Variants in NGEF observed in about 807,000 individuals in gnomAD.
The protein encoded by NGEF is ephexin-1.
In NGEF, 31 loss-of-function variants were observed where a neutral mutation model predicts 80.9. The observed-to-expected ratio is 0.38, with a 90% CI of 0.29 to 0.52. The LOEUF is 0.52. NGEF is among the 20% of genes least tolerant of loss of function. The pLI, the probability that NGEF is intolerant of heterozygous loss-of-function variation, is 0.84. For missense variants in NGEF, 709 were observed against 926.2 expected, an observed-to-expected ratio of 0.77 and a Z score of 3.04; for synonymous variants, 371 against 370.2, an observed-to-expected ratio of 1.00 and a Z score of -0.03.
In NGEF at chr2:232,892,401, G is replaced by A. The variant is rs1691912840; in HGVS notation, c.1142+497C>T. 6.6e-6 allele frequency among the ~76,000 whole-genome samples: 1 copy of A among 152,158 alleles called. No individual in the cohort carries two copies. The highest frequency in any genetic ancestry group is 1.9e-4 in the East Asian group (1 of 5,184). ...AGAATTCAGAAGAGGCACGCTGGCT[G>A]GAAAATTACCTTGTCAACTAAACCT... On this transcript the variant is annotated intron_variant, in intron 7 of 14. Transcript: ENST00000264051. The surrounding 1 kb of genome is among the most constrained non-coding windows in gnomAD (Gnocchi z 4.0).
Position 232,879,467 on chromosome 2 carries a change from C to A in NGEF, c.*22G>T. The stretch of plus-strand genomic sequence containing the variant: ...TCGGGGTCTCATGCAGGCCCTGCTC[C>A]CGCTGGCCCCCTGGGTGGGGGTCAT... On this transcript the variant is annotated 3_prime_UTR_variant, in exon 15 of 15. Transcript: ENST00000264051. 1 of 1,589,464 alleles carries A rather than the reference C, an allele frequency of 6.3e-7. No homozygotes were observed. Among genetic ancestry groups the A allele is most frequent in the Non-Finnish European group, 8.6e-7 (1 of 1,163,096 alleles).
chr2:232,911,265 T>C (rs1021138180), intron 5 of NGEF, among the ~76,000 whole-genome samples: 1 of 152,228 alleles, frequency 6.6e-6, no homozygotes, highest in Non-Finnish European at 1.5e-5. Context: ...GAAAAGACTG[T>C]CCTTTTTCCA....
At chr2:232,880,217 G>C (rs1691448082) in intron 14 of NGEF, among the ~76,000 whole-genome samples, 2 of 152,216 alleles carry the variant, frequency 1.3e-5, no homozygotes, top group Non-Finnish European at 2.9e-5. Context: ...TCAGGAACTG[G>C]CAGCACGAGT....
chr2:232,974,936 G>A lies in NGEF; in HGVS notation c.-46C>T, dbSNP rs1454176553. The A allele has an allele frequency of 1.9e-6, 3 of 1,584,448 alleles. No individual in the cohort carries two copies. The highest frequency in any genetic ancestry group is 2.2e-5 in the East Asian group (1 of 44,710). On this transcript the variant is annotated 5_prime_UTR_variant, in exon 2 of 15. Coordinates refer to ENST00000264051, the MANE Select transcript of NGEF (RefSeq NM_019850.3). ...CTCAGCAGAACGACTGGAGGTCAAT[G>A]ACTTTCCCAAGCTTCACTGGTTTGA... is the stretch of plus-strand genomic sequence containing the variant.
chr2:232,989,223 G>A (rs554540819), intron 1 of NGEF, among the ~76,000 whole-genome samples: 1 of 152,252 alleles, frequency 6.6e-6, no homozygotes, highest in South Asian at 2.1e-4. Flanking sequence ...CGAGGTGGGT[G>A]GATCACTTGA....
intron 3 of NGEF, among the ~76,000 whole-genome samples, chr2:232,964,595 G>A (rs1256728240): frequency 2.6e-5 from 4 of 152,186 alleles, no homozygotes; most frequent in Non-Finnish European, 5.9e-5. Context: ...TCGGGAGGCA[G>A]GAGAATCACT....
chr2:233,005,895 C>T (rs1207769803), intron 1 of NGEF, among the ~76,000 whole-genome samples: 1 of 152,228 alleles, frequency 6.6e-6, no homozygotes, highest in Non-Finnish European at 1.5e-5. Flanking sequence ...CAGCCCACCG[C>T]AACCTCTGCC....
chr2:232,972,610 T>C (rs143840202), intron 2 of NGEF, among the ~76,000 whole-genome samples: 204 of 152,274 alleles, frequency 1.3e-3, no homozygotes, highest in African/African-American at 4.6e-3. Flanking sequence ...CTCAGTTGTT[T>C]ATTTTTTGAT....
At position 232,892,978 on chromosome 2, in the gene NGEF, A is replaced by G; in HGVS notation, c.1062T>C (p.Arg354=). ...VISDVCDIVY[R]YAADHFSVYI... is the part of the protein sequence containing the mutation. ...AGACAGAGAAGTGGTCGGCCGCATA[A>G]CGGTACACAATGTCACACACGTCAG... The change falls in exon 7 of 15, where the codon CGT becomes CGC. Residue 354 remains arginine, a synonymous_variant. Transcript: ENST00000264051. The surrounding 1 kb of genome is among the most constrained non-coding windows in gnomAD (Gnocchi z 4.0). 1.2e-6 allele frequency: 2 copies of G among 1,613,586 alleles called. No individual in the cohort carries two copies. The highest frequency in any genetic ancestry group is 1.7e-5 in the Admixed American group (1 of 60,022).
chr2:233,000,747 G>A (rs1364155142), intron 1 of NGEF, among the ~76,000 whole-genome samples: 11 of 144,410 alleles, frequency 7.6e-5, no homozygotes, highest in African/African-American at 1.6e-4. Context: ...GCGACAGAGC[G>A]AGACTCTGTC....
chr2:232,961,713 G>A (rs1034126817), intron 3 of NGEF, among the ~76,000 whole-genome samples: 26 of 151,998 alleles, frequency 1.7e-4, no homozygotes, highest in African/African-American at 6.0e-4. Context: ...AGCCAGGATG[G>A]TCTCGATCTC....
At chr2:232,904,418 A>C (rs1179500438) in intron 5 of NGEF, among the ~76,000 whole-genome samples, 1 of 152,148 alleles carries the variant, frequency 6.6e-6, no homozygotes, top group East Asian at 1.9e-4. Flanking sequence ...TAGTAGAGAC[A>C]AGGTTTCAGC....
chr2:232,913,375 T>C (rs1692728837), intron 5 of NGEF, among the ~76,000 whole-genome samples: 1 of 152,196 alleles, frequency 6.6e-6, no homozygotes, highest in African/African-American at 2.4e-5. Flanking sequence ...TTCTTTTCAG[T>C]GTGTTAAGGA....
At chr2:232,891,284 G>A (rs1170197653) in intron 8 of NGEF, 74 bp downstream of exon 8, 6 of 1,578,168 alleles carry the variant, frequency 3.8e-6, no homozygotes, top group African/African-American at 2.7e-5. Context: ...CTCCTAGAAA[G>A]CTGACAGGGC....
chr2:232,899,819 CAT>C (rs1391678686), intron 5 of NGEF, among the ~76,000 whole-genome samples: 15 of 149,950 alleles, frequency 1.0e-4, no homozygotes, highest in South Asian at 2.2e-4. Context: ...CTCAGTCACT[CAT>C]ATACACGTTC....
chr2:232,978,198 G>C (rs1336999902), intron 1 of NGEF, among the ~76,000 whole-genome samples: 1 of 151,578 alleles, frequency 6.6e-6, no homozygotes, highest in Non-Finnish European at 1.5e-5. Context: ...ATTACTATCA[G>C]TATCGTCATT....
chr2:232,959,339 G>C (rs1693897801), intron 3 of NGEF, among the ~76,000 whole-genome samples: 1 of 152,090 alleles, frequency 6.6e-6, no homozygotes. Flanking sequence ...CGTTTCTTCA[G>C]TTCCTGTTTT....
chr2:232,983,642 G>A (rs941023329), intron 1 of NGEF, among the ~76,000 whole-genome samples: 7 of 152,122 alleles, frequency 4.6e-5, no homozygotes, highest in Non-Finnish European at 8.8e-5. Context: ...GAATGTGCGG[G>A]GGAAGCCAGT....
chr2:232,943,178 G>C (rs1006605673), intron 3 of NGEF, among the ~76,000 whole-genome samples: 1 of 151,462 alleles, frequency 6.6e-6, no homozygotes, highest in African/African-American at 2.4e-5. Flanking sequence ...TTTTTTTGTG[G>C]GGGTCTCAGA....
Sources: allele counts gnomAD v4.1 joint callset (sites outside exome capture counted in the v4.1 genomes callset), GRCh38; gene constraint gnomAD v4.1.1; non-coding constraint Gnocchi (gnomAD v3.1); transcripts MANE v1.5; gene names NCBI Gene and HGNC (gene_info 2026-07-23, HGNC 2026-07-21).